Variants in TEKT5 observed in about 807,000 individuals in gnomAD.
TEKT5 encodes the protein tektin 5.
TEKT5 carries 52 observed loss-of-function variants against 48.7 expected under a neutral mutation model. The ratio of observed to expected loss-of-function variants is 1.07; its 90% CI spans 0.86 to 1.35. The LOEUF (loss-of-function observed/expected upper bound fraction) is 1.35. Ranked by LOEUF, TEKT5 falls within the 40% of genes most tolerant of loss-of-function variation. The pLI is 0.00. For missense variants in TEKT5, 831 were observed against 641.6 expected (o/e 1.30, Z -3.19); for synonymous variants, 318 against 267.6 (o/e 1.19, Z -1.84).
At chr16:10,687,678 G>C (rs895338420) in intron 3 of TEKT5, among the ~76,000 whole-genome samples, 4 of 152,266 alleles carry the variant, frequency 2.6e-5, no homozygotes, top group African/African-American at 7.2e-5. Context: ...GCATGAATCT[G>C]GGAGGTGGAG....
chr16:10,672,996 CT>C (rs1257217959), intron 5 of TEKT5, among the ~76,000 whole-genome samples: 1 of 152,006 alleles, frequency 6.6e-6, no homozygotes, highest in Non-Finnish European at 1.5e-5. Flanking sequence ...ACAGTAATTC[CT>C]ATCCTCATTC....
intron 4 of TEKT5, among the ~76,000 whole-genome samples, chr16:10,677,281 T>C (rs1309077230): frequency 2.0e-5 from 2 of 102,042 alleles, no homozygotes; most frequent in South Asian, 6.4e-4. Context: ...ATAGATGGAA[T>C]ACTCGGAAGG....
chr16:10,632,497 T>C (rs887571551), intron 6 of TEKT5, among the ~76,000 whole-genome samples: 2 of 152,084 alleles, frequency 1.3e-5, no homozygotes, highest in Non-Finnish European at 2.9e-5. Flanking sequence ...GGTCTTGCTA[T>C]GTTGTCCAGG....
At chr16:10,673,121 G>C (rs1259112392) in intron 5 of TEKT5, among the ~76,000 whole-genome samples, 2 of 152,174 alleles carry the variant, frequency 1.3e-5, no homozygotes, top group African/African-American at 4.8e-5. Context: ...CAAAAGATAT[G>C]AGATGGAAGG....
chr16:10,645,978 A>T (rs1475236393), intron 5 of TEKT5, among the ~76,000 whole-genome samples: 1 of 151,900 alleles, frequency 6.6e-6, no homozygotes, highest in African/African-American at 2.4e-5. Flanking sequence ...CAGAAAAAAA[A>T]GAAAAACTGG....
At chr16:10,654,004 G>T (rs1567228732) in intron 5 of TEKT5, among the ~76,000 whole-genome samples, 1 of 139,936 alleles carries the variant, frequency 7.1e-6, no homozygotes, top group Non-Finnish European at 1.5e-5. Flanking sequence ...GTGAACGTGT[G>T]TGTGTGTGTG....
At chr16:10,650,835 A>G (rs1165258930) in intron 5 of TEKT5, among the ~76,000 whole-genome samples, 1 of 150,374 alleles carries the variant, frequency 6.7e-6, no homozygotes, top group Non-Finnish European at 1.5e-5. Flanking sequence ...CAGTGAGCAG[A>G]GATTGTGGCA....
chr16:10,629,407 C>T (rs1457474320), intron 6 of TEKT5, among the ~76,000 whole-genome samples: 2 of 152,110 alleles, frequency 1.3e-5, no homozygotes, highest in Non-Finnish European at 2.9e-5. Context: ...CGTGCCGCCA[C>T]ACCCAGCTAA....
rs186935762 is a variant in TEKT5 at position 10,666,203 on chromosome 16, T to G, written c.1086+9756A>C. On this transcript the variant is annotated intron_variant, in intron 5 of 6. Coordinates refer to ENST00000283025, the MANE Select transcript of TEKT5 (RefSeq NM_144674.2). ...TCCAGGTTTTATACACTCAGATTCTTCCTATCTTCTGGAATCTTGTAGTTT... is the reference window on the plus strand; with the variant it reads ...TCCAGGTTTTATACACTCAGATTCTGCCTATCTTCTGGAATCTTGTAGTTT... Among the ~76,000 whole-genome samples, 9 of 152,288 alleles carry G rather than the reference T, an allele frequency of 5.9e-5. No homozygotes were observed. The East Asian group carries it at 1.7e-3, about 29-fold the overall frequency.
chr16:10,652,392 C>A (rs571316120), intron 5 of TEKT5, among the ~76,000 whole-genome samples: 1 of 151,126 alleles, frequency 6.6e-6, no homozygotes, highest in Non-Finnish European at 1.5e-5. Context: ...TATACTCAGG[C>A]AAAAACACAC....
At chr16:10,672,572 G>A (rs1415910953) in intron 5 of TEKT5, among the ~76,000 whole-genome samples, 1 of 152,112 alleles carries the variant, frequency 6.6e-6, no homozygotes, top group Non-Finnish European at 1.5e-5. Flanking sequence ...CTCCAGACTG[G>A]GTTACAGAGC....
At position 10,675,691 on chromosome 16, in the gene TEKT5, G is replaced by A. The variant is rs548764338; in HGVS notation, c.1086+268C>T. ...ACATGGGTCTTAGATGGAAAATAAG[G>A]GGTCCTGGGAGTGTCACAGCCTCTT... is the stretch of plus-strand genomic sequence containing the variant. On this transcript the variant is annotated intron_variant, in intron 5 of 6. Transcript: ENST00000283025. 1.8e-3 allele frequency among the ~76,000 whole-genome samples: 272 copies of A among 152,310 alleles called. 2 individuals carry two copies. The highest frequency in any genetic ancestry group is 1.1e-3 in the Non-Finnish European group (74 of 68,018).
At chr16:10,638,929 T>A (rs1320250669) in intron 5 of TEKT5, among the ~76,000 whole-genome samples, 3 of 152,218 alleles carry the variant, frequency 2.0e-5, no homozygotes, top group African/African-American at 7.2e-5. Context: ...TCAACATTTG[T>A]TCAATACCGT....
At chr16:10,677,045 C>T (rs184485003) in intron 4 of TEKT5, among the ~76,000 whole-genome samples, 205 of 152,208 alleles carry the variant, frequency 1.3e-3, no homozygotes, top group Admixed American at 3.7e-3. Context: ...AAAAAAAGTA[C>T]CTACATGTGG....
At chr16:10,636,565 G>A (rs971663337) in intron 5 of TEKT5, among the ~76,000 whole-genome samples, 2 of 151,932 alleles carry the variant, frequency 1.3e-5, no homozygotes, top group African/African-American at 4.8e-5. Flanking sequence ...AGAAGAAGAG[G>A]GAGAGGAAGG....
chr16:10,628,269 A>G (rs1897785105), intron 6 of TEKT5, among the ~76,000 whole-genome samples: 1 of 152,268 alleles, frequency 6.6e-6, no homozygotes, highest in South Asian at 2.1e-4. Context: ...GCAGAGGCAG[A>G]ACAGGTAGAC....
At chr16:10,663,338 A>G (rs1448178413) in intron 5 of TEKT5, among the ~76,000 whole-genome samples, 1 of 152,140 alleles carries the variant, frequency 6.6e-6, no homozygotes, top group Non-Finnish European at 1.5e-5. Flanking sequence ...ATGTGGAAGG[A>G]AAAAAATGGA....
chr16:10,660,835 G>C (rs1237484979), intron 5 of TEKT5, among the ~76,000 whole-genome samples: 1 of 151,924 alleles, frequency 6.6e-6, no homozygotes, highest in Non-Finnish European at 1.5e-5. Context: ...TGGGTAGCTG[G>C]GATTACAGGC....
chr16:10,639,619 G>C (rs768851826), intron 5 of TEKT5, among the ~76,000 whole-genome samples: 15 of 152,230 alleles, frequency 9.9e-5, no homozygotes, highest in Non-Finnish European at 2.2e-4. Context: ...TCAGAGGTCA[G>C]CTATTCCAGT....
Sources: allele counts gnomAD v4.1 joint callset (sites outside exome capture counted in the v4.1 genomes callset), GRCh38; gene constraint gnomAD v4.1.1; transcripts MANE v1.5; gene names NCBI Gene and HGNC (gene_info 2026-07-23, HGNC 2026-07-21).